NUP35: variants seen among roughly 807,000 people sequenced by gnomAD.
NUP35 encodes the protein nucleoporin 35.
A neutral mutation model predicts 41.5 loss-of-function variants in NUP35; 25 were observed. The ratio of observed to expected loss-of-function variants is 0.60; its 90% CI spans 0.44 to 0.84. The LOEUF (loss-of-function observed/expected upper bound fraction) is 0.84, where lower values mean the gene tolerates loss of function less well. Ranked by LOEUF, NUP35 falls within the 40% of genes least tolerant of loss-of-function variation. The pLI is 0.00. For missense variants in NUP35, 396 were observed against 396.6 expected, an observed-to-expected ratio of 1.00 and a Z score of 0.01; for synonymous variants, 149 against 130.7, an observed-to-expected ratio of 1.14 and a Z score of -0.96.
In NUP35 at chr2:183,158,361, A is replaced by G. The variant is rs567231618; in HGVS notation, c.688A>G (p.Arg230Gly). Residue 230 changes from arginine (R) to glycine (G), a missense_variant, in exon 7 of 9, where the codon AGG (arginine) becomes GGG (glycine). Transcript: ENST00000295119. ...QARKALSKDG[R>G]IFGESIMIGV... ...TCGGAAAGCCTTAAGCAAAGATGGG[A>G]GGATTTTTGGAGAATCCATCATGAT... The G allele has an allele frequency of 3.1e-5, 50 of 1,609,536 alleles. No individual in the cohort carries two copies. Among genetic ancestry groups the G allele is most frequent in the Non-Finnish European group, 4.1e-5 (48 of 1,177,110 alleles).
chr2:183,147,063 A>G (rs1037706905), intron 4 of NUP35, among the ~76,000 whole-genome samples: 1 of 151,748 alleles, frequency 6.6e-6, no homozygotes, highest in African/African-American at 2.4e-5. Context: ...TCCTTTGCCC[A>G]CTTTTTAATG....
intron 4 of NUP35, among the ~76,000 whole-genome samples, chr2:183,144,753 G>A (rs35594618): frequency 9.7e-4 from 148 of 152,280 alleles, no homozygotes; most frequent in Non-Finnish European, 8.1e-4. Flanking sequence ...CTGATTGAAA[G>A]GAAGTAAAAT....
At chr2:183,156,460 C>T (rs369127633) in intron 5 of NUP35, among the ~76,000 whole-genome samples, 5 of 152,178 alleles carry the variant, frequency 3.3e-5, no homozygotes, top group East Asian at 1.9e-4. Flanking sequence ...CTGCCTCAGC[C>T]GCCTGAGTAG....
intron 4 of NUP35, among the ~76,000 whole-genome samples, chr2:183,142,454 C>CT (rs200327315): frequency 0.1 from 14,791 of 141,808 alleles, 890 homozygotes; most frequent in South Asian, 0.2. Context: ...TGTGTGTTTT[C>CT]TTTTTTTTTT....
At chr2:183,148,822 C>G (rs931815927) in intron 4 of NUP35, among the ~76,000 whole-genome samples, 2 of 152,098 alleles carry the variant, frequency 1.3e-5, no homozygotes, top group African/African-American at 4.8e-5. Context: ...CTACGCCCAG[C>G]TAATTTTTTG....
At chr2:183,150,291 G>A (rs1575131644) in intron 4 of NUP35, among the ~76,000 whole-genome samples, 1 of 152,156 alleles carries the variant, frequency 6.6e-6, no homozygotes. Flanking sequence ...ACCTCGCTTA[G>A]AGCTTTAGCT....
At chr2:183,151,683 C>G in intron 5 of NUP35, 34 bp downstream of exon 5, 1 of 1,582,404 alleles carries the variant, frequency 6.3e-7, no homozygotes, top group South Asian at 1.2e-5. Flanking sequence ...TTTTAAAAAC[C>G]CCACCCTAAC....
At chr2:183,118,402 A>G (rs1456877412) in intron 1 of NUP35, 1 of 152,238 alleles carries the variant, frequency 6.6e-6, no homozygotes, top group Non-Finnish European at 1.5e-5. Flanking sequence ...ATTTTACACA[A>G]AAAAGGGTAA....
chr2:183,145,403 A>G (rs1421352665), intron 4 of NUP35, among the ~76,000 whole-genome samples: 4 of 152,234 alleles, frequency 2.6e-5, no homozygotes, highest in African/African-American at 9.6e-5. Flanking sequence ...CTGGTGCTCC[A>G]AAAGTTACAC....
intron 4 of NUP35, 106 bp downstream of exon 4, chr2:183,133,729 C>A: frequency 1.7e-6 from 1 of 596,546 alleles, no homozygotes; most frequent in South Asian, 3.4e-5. Context: ...ACTCTGACAC[C>A]AAATACTTCT....
At chr2:183,156,097 A>C (rs1685656565) in intron 5 of NUP35, among the ~76,000 whole-genome samples, 1 of 152,184 alleles carries the variant, frequency 6.6e-6, no homozygotes, top group Non-Finnish European at 1.5e-5. Context: ...TCTGCTATAG[A>C]GTACTAGAAT....
intron 4 of NUP35, among the ~76,000 whole-genome samples, chr2:183,143,907 A>G (rs1685187873): frequency 6.6e-6 from 1 of 152,206 alleles, no homozygotes; most frequent in Non-Finnish European, 1.5e-5. Context: ...TGTGTGTGCC[A>G]TACTGCAAAG....
chr2:183,131,522 T>G (rs1187373120), intron 3 of NUP35, among the ~76,000 whole-genome samples: 1 of 152,236 alleles, frequency 6.6e-6, no homozygotes, highest in Non-Finnish European at 1.5e-5. Flanking sequence ...GGCTTACTTG[T>G]CAAGTAAAGC....
chr2:183,143,048 C>T (rs370269579), intron 4 of NUP35, among the ~76,000 whole-genome samples: 1 of 150,372 alleles, frequency 6.7e-6, no homozygotes, highest in African/African-American at 2.4e-5. Context: ...CCCAGCTACT[C>T]GGGAGGCTGA....
intron 1 of NUP35, among the ~76,000 whole-genome samples, chr2:183,126,387 A>G (rs895325967): frequency 7.2e-5 from 11 of 152,032 alleles, no homozygotes; most frequent in African/African-American, 2.2e-4. Context: ...ATTTTGCTAT[A>G]ATTTTTTTTT....
At chr2:183,142,767 A>G (rs1685142740) in intron 4 of NUP35, among the ~76,000 whole-genome samples, 1 of 151,888 alleles carries the variant, frequency 6.6e-6, no homozygotes, top group African/African-American at 2.4e-5. Context: ...GGTGTGAGCC[A>G]CCATGCCCCA....
At chr2:183,120,576 T>A (rs918930981), upstream of NUP35, among the ~76,000 whole-genome samples, 9 of 152,094 alleles carry the variant, frequency 5.9e-5, no homozygotes, top group Non-Finnish European at 1.0e-4. Flanking sequence ...AATATCTCAA[T>A]GTTTGATGGT....
At chr2:183,137,745 A>G (rs551945231) in intron 4 of NUP35, among the ~76,000 whole-genome samples, 1 of 151,982 alleles carries the variant, frequency 6.6e-6, no homozygotes, top group South Asian at 2.1e-4. Flanking sequence ...GGCAGCTATG[A>G]TTGCACCACT....
chr2:183,149,228 G>T (rs1420799070), intron 4 of NUP35, among the ~76,000 whole-genome samples: 1 of 152,042 alleles, frequency 6.6e-6, no homozygotes, highest in Non-Finnish European at 1.5e-5. Context: ...TTTTTACCTT[G>T]TTTATACTCT....
Sources: gnomAD v4.1 joint callset for allele counts (sites outside exome capture counted in the v4.1 genomes callset) on GRCh38, gnomAD v4.1.1 for gene constraint, MANE v1.5 for transcripts, NCBI Gene and HGNC (gene_info 2026-07-23, HGNC 2026-07-21) for gene names.